Variants in PDCL observed in about 807,000 individuals in gnomAD.
The protein encoded by PDCL is phosducin like, also known as phosducin-like protein.
A neutral mutation model predicts 26.7 loss-of-function variants in PDCL; 11 were observed. That is an observed-to-expected ratio of 0.41 (90% confidence interval 0.26 to 0.68). The LOEUF (loss-of-function observed/expected upper bound fraction) is 0.68, where lower values mean the gene tolerates loss of function less well. Ranked by LOEUF, PDCL falls within the 30% of genes least tolerant of loss-of-function variation. The probability of loss-of-function intolerance (pLI) is 0.30; values close to 1 mark genes in which losing one functional copy is unlikely to be tolerated. For missense variants in PDCL, 330 were observed against 371.6 expected, an observed-to-expected ratio of 0.89 and a Z score of 0.92; for synonymous variants, 118 against 134.9, an observed-to-expected ratio of 0.87 and a Z score of 0.87.
In PDCL at chr9:122,819,328, C is replaced by G. The variant is rs1333304460; in HGVS notation, c.*757G>C. 5 of 151,522 alleles carry G rather than the reference C, an allele frequency of 3.3e-5. No homozygotes were observed. Among genetic ancestry groups the G allele is most frequent in the Middle Eastern group, 6.8e-3 (2 of 294 alleles). 9.4% of individuals were successfully genotyped at this position (151,522 alleles called of 1,614,324 possible). On this transcript the variant is annotated 3_prime_UTR_variant, in exon 4 of 4. Coordinates refer to ENST00000259467, the MANE Select transcript of PDCL (RefSeq NM_005388.5). ...AAATCTAGGTTAAACAAAAAGTTAC[C>G]TTGTTAAACAAAAAGTTACCTTGTT...
At chr9:122,823,832 C>T (rs533368889) in intron 2 of PDCL, among the ~76,000 whole-genome samples, 2 of 149,988 alleles carry the variant, frequency 1.3e-5, no homozygotes, top group African/African-American at 4.9e-5. Context: ...TGCAATGGCG[C>T]GATCTCGGCT....
intron 2 of PDCL, among the ~76,000 whole-genome samples, chr9:122,824,644 T>G (rs190837667): frequency 1.3e-5 from 2 of 152,192 alleles, no homozygotes; most frequent in African/African-American, 2.4e-5. Context: ...CAAAAAATAC[T>G]TGAAAGACTT....
At chr9:122,823,335 T>C in intron 2 of PDCL, 138 bp from the exon 3 acceptor site, 1 of 824,478 alleles carries the variant, frequency 1.2e-6, no homozygotes, top group South Asian at 1.6e-5. Flanking sequence ...CTCTGTGTAC[T>C]CTGCCACAGG....
chr9:122,827,394 C>A (rs1335207329), intron 1 of PDCL, among the ~76,000 whole-genome samples: 1 of 152,038 alleles, frequency 6.6e-6, no homozygotes, highest in Non-Finnish European at 1.5e-5. Context: ...AAAGAAGGGC[C>A]CATACAAAGA....
chr9:122,828,266 C>G (rs1829654896), intron 1 of PDCL, among the ~76,000 whole-genome samples: 1 of 151,488 alleles, frequency 6.6e-6, no homozygotes, highest in African/African-American at 2.4e-5. Flanking sequence ...GGACGGGAAG[C>G]AGAGGGGTGT....
At chr9:122,826,941 AC>A (rs2131364481) in intron 1 of PDCL, 149 bp from the exon 2 acceptor site, 1 of 674,226 alleles carries the variant, frequency 1.5e-6, no homozygotes, top group Non-Finnish European at 2.5e-6. Context: ...ACAAATCCCT[AC>A]CGTTACCCTG....
At chr9:122,820,730 T>A in intron 3 of PDCL, 94 bp from the exon 4 acceptor site, 1 of 1,017,378 alleles carries the variant, frequency 9.8e-7, no homozygotes, top group South Asian at 1.6e-5. Context: ...ACGCCTGTAA[T>A]CCTAGCACTT....
intron 3 of PDCL, 123 bp from the exon 4 acceptor site, chr9:122,820,759 G>A (rs758404583): frequency 3.6e-5 from 27 of 741,108 alleles, no homozygotes; most frequent in Admixed American, 1.1e-4. Context: ...TGAGACGAGC[G>A]GATCACTTGA....
rs532844629 is a variant in PDCL, at chr9:122,822,863, T to A, written c.354+153A>T. ...TAGTAGCAGAACTGAGATCCAAAGC[T>A]GGGTGGGTTTGAGTTTTGACAGGGC... On this transcript the variant is annotated intron_variant, in intron 3 of 3. Transcript: ENST00000259467. Among the ~76,000 whole-genome samples, 4 of 152,302 alleles carry A rather than the reference T, an allele frequency of 2.6e-5. No homozygotes were observed. In the South Asian group the frequency reaches 8.3e-4, roughly 32 times the overall value.
At chr9:122,828,111 A>G (rs963714794) in intron 1 of PDCL, among the ~76,000 whole-genome samples, 6 of 152,072 alleles carry the variant, frequency 3.9e-5, no homozygotes, top group African/African-American at 2.4e-5. Context: ...AACAAAACCA[A>G]ACTTAAGGCC....
Position 122,820,517 on chromosome 9 carries a change from G to C in PDCL, c.474C>G (p.Phe158Leu). ...MRQQLHKGPQ[F>L]KQVFEISSGE... ...CACTGGAGATCTCAAAAACCTGCTTGAATTGGGGCCCCTTGTGAAGCTGCT... is the reference window on the plus strand; with the variant it reads ...CACTGGAGATCTCAAAAACCTGCTTCAATTGGGGCCCCTTGTGAAGCTGCT... The change falls in exon 4 of 4, where the codon TTC (phenylalanine) becomes TTG (leucine). Residue 158 changes from phenylalanine to leucine, a missense_variant. Phe to Leu is a conservative substitution (Grantham distance 22). Coordinates refer to ENST00000259467, the MANE Select transcript of PDCL (RefSeq NM_005388.5). The C allele has an allele frequency of 6.2e-7, 1 of 1,614,082 alleles. No individual in the cohort carries two copies. Among genetic ancestry groups the C allele is most frequent in the Non-Finnish European group, 8.5e-7 (1 of 1,180,018 alleles).
rs187153126 is a variant in PDCL, at chr9:122,821,041, C to T, written c.355-405G>A. On this transcript the variant is annotated intron_variant, in intron 3 of 3. Transcript: ENST00000259467. ...TAAAACAGTTAACATGTACTACATGCTGATAATATATAAGGCACCATGCTA... is the reference window on the plus strand; with the variant it reads ...TAAAACAGTTAACATGTACTACATGTTGATAATATATAAGGCACCATGCTA... Among the ~76,000 whole-genome samples the T allele has an allele frequency of 7.0e-4, 107 of 152,038 alleles. 1 individual carries two copies. Among genetic ancestry groups the T allele is most frequent in the African/African-American group, 2.5e-3 (103 of 41,474 alleles).
At position 122,820,450 on chromosome 9, in the gene PDCL, T is replaced by C. The variant is rs748699646; in HGVS notation, c.541A>G (p.Ile181Val). 2.5e-6 allele frequency: 4 copies of C among 1,614,150 alleles called. No individual in the cohort carries two copies. Among genetic ancestry groups the C allele is most frequent in the East Asian group, 2.2e-5 (1 of 44,884 alleles). ...LDMIDKEQKS[I>V]VIMVHIYEDG... is the part of the protein sequence containing the mutation. ...TCATAAATATGAACCATGATGACAA[T>C]GCTTTTCTGTTCTTTATCAATCATG... Residue 181 changes from isoleucine (I) to valine (V), a missense_variant, in exon 4 of 4, where the codon ATT becomes GTT. Ile to Val is a conservative substitution (Grantham distance 29). Coordinates refer to ENST00000259467, the MANE Select transcript of PDCL (RefSeq NM_005388.5).
rs1250970536 is a variant in PDCL, at chr9:122,818,311, TTAAA to T, written c.*1770_*1773del. 1.3e-5 allele frequency: 2 copies of T among 152,100 alleles called. No individual in the cohort carries two copies. Among genetic ancestry groups the T allele is most frequent in the East Asian group, 1.9e-4 (1 of 5,198 alleles). 9.4% of individuals were successfully genotyped at this position (152,100 alleles called of 1,614,324 possible). ...AAATAAATAAAAATAAAGAGACTGGTTAAATAAATTATTATATATCCAAATGATG... is the reference window on the plus strand; with the variant it reads ...AAATAAATAAAAATAAAGAGACTGGTTAAATTATTATATATCCAAATGATG... On this transcript the variant is annotated 3_prime_UTR_variant, in exon 4 of 4. Coordinates refer to ENST00000259467, the MANE Select transcript of PDCL (RefSeq NM_005388.5).
At position 122,824,827 on chromosome 9, in the gene PDCL, T is replaced by G. The variant is rs373257755; in HGVS notation, c.173-1630A>C. Among the ~76,000 whole-genome samples, 6 of 152,306 alleles carry G rather than the reference T, an allele frequency of 3.9e-5. No homozygotes were observed. In the South Asian group the frequency reaches 6.2e-4, roughly 16 times the overall value. ...TTGGAAAAAATAAAGCAAAAGTTAA[T>G]TGAAGAGGGTCTAGCCTCACCAAAT... On this transcript the variant is annotated intron_variant, in intron 2 of 3. Transcript: ENST00000259467.
intron 2 of PDCL, among the ~76,000 whole-genome samples, chr9:122,826,120 A>G (rs1023336960): frequency 6.6e-6 from 1 of 152,160 alleles, no homozygotes; most frequent in African/African-American, 2.4e-5. Context: ...ACAAAACAAA[A>G]AAAAGGTGGT....
rs1285479123 is a variant in PDCL at position 122,819,989 on chromosome 9, G to T, written c.*96C>A. Reference sequence around the variant, plus strand: ...TATGCATAATAAAAGGGACTACAAAGAACAGCTGAAAAGCCAGAAGACAAA... The same window carrying T: ...TATGCATAATAAAAGGGACTACAAATAACAGCTGAAAAGCCAGAAGACAAA... On this transcript the variant is annotated 3_prime_UTR_variant, in exon 4 of 4. Transcript: ENST00000259467. 9 of 1,018,316 alleles carry T rather than the reference G, an allele frequency of 8.8e-6. No homozygotes were observed. In the African/African-American group the frequency reaches 1.3e-4, roughly 15 times the overall value. The allele number at this position is 1,018,316 out of a possible 1,614,324, so 63.1% of individuals were successfully genotyped here.
intron 3 of PDCL, 57 bp downstream of exon 3, chr9:122,822,959 C>T: frequency 6.8e-7 from 1 of 1,469,140 alleles, no homozygotes; most frequent in Non-Finnish European, 9.5e-7. Flanking sequence ...TTGAATCACT[C>T]ACCCAGCTCT....
chr9:122,818,945 A>C lies in PDCL; in HGVS notation c.*1140T>G, dbSNP rs76916677. On this transcript the variant is annotated 3_prime_UTR_variant, in exon 4 of 4. Coordinates refer to ENST00000259467, the MANE Select transcript of PDCL (RefSeq NM_005388.5). ...AGTATTTGCTATCTTTCTTTTTAAG[A>C]GACAACCATCAAGCAAATTATATCA... The C allele has an allele frequency of 0.016, 2,398 of 152,168 alleles. 71 individuals are homozygous for C. The highest frequency in any genetic ancestry group is 0.055 in the African/African-American group (2,285 of 41,546). 9.4% of individuals were successfully genotyped at this position (152,168 alleles called of 1,614,324 possible).
Sources: gnomAD v4.1 joint callset for allele counts (sites outside exome capture counted in the v4.1 genomes callset) on GRCh38, gnomAD v4.1.1 for gene constraint, MANE v1.5 for transcripts, NCBI Gene and HGNC (gene_info 2026-07-23, HGNC 2026-07-21) for gene names.